LIG1: variants seen among roughly 807,000 people sequenced by gnomAD.
LIG1 encodes the protein ligase I, DNA, ATP-dependent.
LIG1 carries 70 observed loss-of-function variants against 115.7 expected under a neutral mutation model. That is an observed-to-expected ratio of 0.60 (90% CI 0.50 to 0.74). The LOEUF (loss-of-function observed/expected upper bound fraction) is 0.74. LIG1 is among the 30% of genes least tolerant of loss of function. The pLI is 0.00. For missense variants in LIG1, 1,115 were observed against 1,225.6 expected (o/e 0.91, Z 1.35); for synonymous variants, 487 against 495.3 (o/e 0.98, Z 0.22).
intron 12 of LIG1, among the ~76,000 whole-genome samples, chr19:48,138,825 T>C (rs1008603614): frequency 1.3e-5 from 2 of 152,166 alleles, no homozygotes; most frequent in Non-Finnish European, 2.9e-5. Flanking sequence ...GCTCAGAGTA[T>C]TCTTAACCGA....
At chr19:48,151,657 C>G (rs573789376) in intron 6 of LIG1, among the ~76,000 whole-genome samples, 1 of 152,258 alleles carries the variant, frequency 6.6e-6, no homozygotes, top group African/African-American at 2.4e-5. Flanking sequence ...TCTTGAACTA[C>G]TGACCTCAGG....
intron 16 of LIG1, among the ~76,000 whole-genome samples, chr19:48,134,530 C>T (rs1047629364): frequency 2.6e-4 from 40 of 152,140 alleles, no homozygotes; most frequent in Non-Finnish European, 1.5e-4. Flanking sequence ...TGGTGGCACG[C>T]GCCTGTAGTC....
At position 48,158,491 on chromosome 19, in the gene LIG1, T is replaced by C. The variant is rs554489918; in HGVS notation, c.244-1351A>G. Among the ~76,000 whole-genome samples, 8 of 152,374 alleles carry C rather than the reference T, an allele frequency of 5.3e-5. No homozygotes were observed. In the South Asian group the frequency reaches 1.7e-3, roughly 32 times the overall value. ...TGTCTCGGTTTCAACCACTCACTTA[T>C]CTTCTTACAGGGCCCTGTGCCAGTT... On this transcript the variant is annotated intron_variant, in intron 4 of 27. Transcript: ENST00000263274.
intron 9 of LIG1, among the ~76,000 whole-genome samples, 176 bp downstream of exon 9, chr19:48,149,587 T>C (rs1455306426): frequency 2.6e-5 from 4 of 152,208 alleles, no homozygotes; most frequent in Non-Finnish European, 5.9e-5. Flanking sequence ...AGAATGGTTT[T>C]GCAACAGGGG....
intron 3 of LIG1, 117 bp from the exon 4 acceptor site, chr19:48,161,624 T>C: frequency 7.9e-7 from 1 of 1,262,102 alleles, no homozygotes; most frequent in East Asian, 2.4e-5. Flanking sequence ...AAGCATCCAA[T>C]GAACATTTTC....
chr19:48,129,395 A>G (rs1273633166), intron 19 of LIG1, among the ~76,000 whole-genome samples: 3 of 152,008 alleles, frequency 2.0e-5, no homozygotes. Flanking sequence ...TTTCCTGTGG[A>G]GCCCGGATCT....
intron 5 of LIG1, chr19:48,154,382 G>A (rs2035702633): frequency 3.6e-6 from 1 of 279,456 alleles, no homozygotes; most frequent in Non-Finnish European, 7.1e-6. Flanking sequence ...AGCCCCAGGA[G>A]AGGCCCTCAC....
rs150960491 is a variant in LIG1 at position 48,143,560 on chromosome 19, G to A, written c.897C>T (p.Ile299=). 5.6e-6 allele frequency: 9 copies of A among 1,602,738 alleles called. No individual in the cohort carries two copies. The African/African-American group carries it at 5.6e-5, about 10-fold the overall frequency. ...YLAVARTFEK[I]EEVSARLRMV... Reference sequence around the variant, plus strand: ...TTAGTTACCGAGCAGACACCTCCTCGATCTTCTCAAACGTCCGGGCCACAG... The same window carrying A: ...TTAGTTACCGAGCAGACACCTCCTCAATCTTCTCAAACGTCCGGGCCACAG... The change falls in exon 11 of 28, where the codon ATC becomes ATT. Residue 299 remains isoleucine, a synonymous_variant. Transcript: ENST00000263274.
intron 9 of LIG1, among the ~76,000 whole-genome samples, chr19:48,145,292 G>A (rs1269495541): frequency 6.6e-6 from 1 of 152,204 alleles, no homozygotes; most frequent in African/African-American, 2.4e-5. Context: ...CCGGCCAGCT[G>A]TACCTGCTGA....
In LIG1 at chr19:48,121,230, G is replaced by A. The variant is rs556985324; in HGVS notation, c.2325C>T (p.Tyr775=). 49 of 1,613,912 alleles carry A rather than the reference G, an allele frequency of 3.0e-5. No homozygotes were observed. The highest frequency in any genetic ancestry group is 1.7e-4 in the African/African-American group (13 of 75,040). Residue 775 remains tyrosine, a synonymous_variant, in exon 24 of 28, where the codon TAC becomes TAT. Transcript: ENST00000263274. ...YLGRGKRAGR[Y]GGFLLASYDE... is the part of the protein sequence containing the mutation. ...CGTAGGAGGCCAGCAGGAAGCCCCC[G>A]TACCGGCCGGCCCGCTTCCCCCGGC...
intron 9 of LIG1, among the ~76,000 whole-genome samples, chr19:48,148,474 C>CAAAA (rs55722968): frequency 2.1e-5 from 2 of 97,324 alleles, no homozygotes; most frequent in African/African-American, 5.9e-5. Flanking sequence ...GATTCCATCT[C>CAAAA]AAAAAAAAAA....
intron 11 of LIG1, among the ~76,000 whole-genome samples, chr19:48,141,689 C>T (rs1457712660): frequency 6.6e-6 from 1 of 152,174 alleles, no homozygotes; most frequent in African/African-American, 2.4e-5. Flanking sequence ...GAAAGAATGG[C>T]TTTGTTACTG....
At chr19:48,120,815 C>CAA in intron 24 of LIG1, 2 of 576,788 alleles carry the variant, frequency 3.5e-6, no homozygotes, top group South Asian at 3.8e-5. Context: ...AATGTGGGGA[C>CAA]AAAAAAAAAT....
Position 48,135,736 on chromosome 19 carries a change from T to G in LIG1, c.1467A>C (p.Ala489=). The G allele has an allele frequency of 6.2e-7, 1 of 1,614,212 alleles. No individual in the cohort carries two copies. Among genetic ancestry groups the G allele is most frequent in the African/African-American group, 1.3e-5 (1 of 75,062 alleles). ...AMVDAGKGKT[A]EARKTWLEEQ... ...CCTCCAGCCACGTCTTTCTGGCCTC[T>G]GCTGTCTTGCCCTTCCCAGCATCCA... The change falls in exon 16 of 28, where the codon GCA becomes GCC. Residue 489 remains alanine, a synonymous_variant. Coordinates refer to ENST00000263274, the MANE Select transcript of LIG1 (RefSeq NM_000234.3).
rs3731013 is a variant in LIG1, at chr19:48,122,874, T to C, written c.2232+60A>G. 2.8e-3 allele frequency: 4,098 copies of C among 1,488,900 alleles called. 94 individuals are homozygous for C. The African/African-American group carries it at 0.049, about 18-fold the overall frequency. The allele number at this position is 1,488,900 out of a possible 1,614,324, so 92.2% of individuals were successfully genotyped here. ...CAGTGGAGGCTCGAAATCCACTGCC[T>C]AGCTGGGACAGACCTCCAGACCCGG... is the stretch of plus-strand genomic sequence containing the variant. On this transcript the variant is annotated intron_variant, in intron 23 of 27. Coordinates refer to ENST00000263274, the MANE Select transcript of LIG1 (RefSeq NM_000234.3). This position sits in a 1 kb window ranked among gnomAD's most constrained non-coding sequence, Gnocchi z 4.3.
chr19:48,135,726 T>C lies in LIG1; in HGVS notation c.1477A>G (p.Lys493Glu). The C allele has an allele frequency of 6.2e-7, 1 of 1,614,178 alleles. No individual in the cohort carries two copies. Among genetic ancestry groups the C allele is most frequent in the Non-Finnish European group, 8.5e-7 (1 of 1,180,036 alleles). ...AGKGKTAEAR[K>E]TWLEEQGMIL... is the part of the protein sequence containing the mutation. ...ATGCCTTGCTCCTCCAGCCACGTCT[T>C]TCTGGCCTCTGCTGTCTTGCCCTTC... is the stretch of plus-strand genomic sequence containing the variant. Residue 493 changes from lysine to glutamate, a missense_variant, in exon 16 of 28, where the codon AAG (lysine) becomes GAG (glutamate). Lys to Glu is a moderately conservative substitution (Grantham distance 56). Transcript: ENST00000263274.
At chr19:48,166,077 G>A (rs2036466185) in intron 1 of LIG1, among the ~76,000 whole-genome samples, 1 of 152,190 alleles carries the variant, frequency 6.6e-6, no homozygotes, top group African/African-American at 2.4e-5. Flanking sequence ...ATATCACAGA[G>A]TGTGTGCTAC....
At chr19:48,154,767 G>C (rs2035731207) in intron 5 of LIG1, among the ~76,000 whole-genome samples, 1 of 152,222 alleles carries the variant, frequency 6.6e-6, no homozygotes, top group South Asian at 2.1e-4. Context: ...CCGGCCCCCA[G>C]TGGCTCCTTC....
rs1212279517 is a variant in LIG1 at position 48,127,326 on chromosome 19, TG to T, written c.1954del (p.Gln652ArgfsTer64). ...KRKEVDASEI[Q>X]VQVCLYAFDL... ...GAAGGCGTACAAACACACCTGCACC[TG>T]GATCTCAGACGCATCCACCTCCTGG... is the stretch of plus-strand genomic sequence containing the variant. On this transcript the variant is annotated frameshift_variant, in exon 21 of 28. Coordinates refer to ENST00000263274, the MANE Select transcript of LIG1 (RefSeq NM_000234.3). LOFTEE classifies it high-confidence loss of function. 1 of 1,613,700 alleles carries T rather than the reference TG, an allele frequency of 6.2e-7. No homozygotes were observed. The highest frequency in any genetic ancestry group is 8.5e-7 in the Non-Finnish European group (1 of 1,180,020).
Sources: gnomAD v4.1 joint callset for allele counts (sites outside exome capture counted in the v4.1 genomes callset) on GRCh38, gnomAD v4.1.1 for gene constraint, Gnocchi (gnomAD v3.1) non-coding constraint, MANE v1.5 for transcripts, NCBI Gene and HGNC (gene_info 2026-07-23, HGNC 2026-07-21) for gene names.